Variants in B3GALNT2 observed in about 807,000 individuals in gnomAD.
The protein encoded by B3GALNT2 is UDP-GalNAc:beta-1,3-N-acetylgalactosaminyltransferase 2.
A neutral mutation model predicts 61.1 loss-of-function variants in B3GALNT2; 53 were observed. The observed-to-expected ratio is 0.87, with a 90% CI of 0.70 to 1.09. The LOEUF is 1.09. Among genes scored for constraint, B3GALNT2 ranks in the 50% least tolerant of loss-of-function variants. B3GALNT2 has a pLI of 0.00. For missense variants in B3GALNT2, 544 were observed against 623.0 expected, an observed-to-expected ratio of 0.87 and a Z score of 1.35; for synonymous variants, 223 against 237.4, an observed-to-expected ratio of 0.94 and a Z score of 0.56.
intron 5 of B3GALNT2, among the ~76,000 whole-genome samples, chr1:235,478,320 G>A (rs291380): frequency 0.45 from 68,268 of 151,960 alleles, 15,994 homozygotes; most frequent in Non-Finnish European, 0.5. Context: ...CAAAGTGCTG[G>A]GATTACAGGT....
chr1:235,455,429 A>G, intron 9 of B3GALNT2, 130 bp downstream of exon 9: 4 of 1,011,582 alleles, frequency 4.0e-6, no homozygotes, highest in Non-Finnish European at 5.7e-6. Context: ...TGAAATATAT[A>G]TAAACCCAGG....
intron 6 of B3GALNT2, among the ~76,000 whole-genome samples, chr1:235,466,512 C>T (rs1260833447): frequency 1.3e-5 from 2 of 152,012 alleles, no homozygotes; most frequent in African/African-American, 4.8e-5. Context: ...ACCACCATGC[C>T]CAGCTAATAT....
At position 235,474,966 on chromosome 1, in the gene B3GALNT2, TATATATATATATATATATATA is replaced by T. The variant is rs1684179199; in HGVS notation, c.652-4027_652-4007del. Among the ~76,000 whole-genome samples, 44 of 25,932 alleles carry T rather than the reference TATATATATATATATATATATA, an allele frequency of 1.7e-3. 1 individual carries two copies. Among genetic ancestry groups the T allele is most frequent in the Middle Eastern group, 0.01 (1 of 96 alleles). 17.0% of individuals were successfully genotyped at this position (25,932 alleles called of 152,430 possible). The stretch of plus-strand genomic sequence containing the variant: ...AATTAGAGACATATATATATATATA[TATATATATATATATATATATA>T]TTTTTTTTTTTTTTTTTTTTTTTGA... On this transcript the variant is annotated intron_variant, in intron 5 of 11. Transcript: ENST00000366600.
In B3GALNT2 at chr1:235,450,297, A is replaced by G. The variant is rs772602524; in HGVS notation, c.1412T>C (p.Leu471Pro). The G allele has an allele frequency of 2.5e-6, 4 of 1,614,044 alleles. No individual in the cohort carries two copies. Among genetic ancestry groups the G allele is most frequent in the African/African-American group, 2.7e-5 (2 of 75,068 alleles). ...CCACGGAGAATACTGAGGAGAAGAC[A>G]GCATTCCTGTCTCACAGGTCTTCTC... is the stretch of plus-strand genomic sequence containing the variant. ...LCEKTCETGM[L>P]SSPQYSPWEL... The change falls in exon 12 of 12, where the codon CTG becomes CCG. Residue 471 changes from leucine to proline, a missense_variant. By Grantham distance (98) the Leu-to-Pro change is moderately conservative. Coordinates refer to ENST00000366600, the MANE Select transcript of B3GALNT2 (RefSeq NM_152490.5).
chr1:235,445,669 C>A (rs1371696426), downstream of B3GALNT2, among the ~76,000 whole-genome samples: 3 of 151,314 alleles, frequency 2.0e-5, no homozygotes, highest in Admixed American at 2.0e-4. Context: ...ACTGCAATAT[C>A]TTTTTTTTTA....
chr1:235,483,588 A>G (rs534444887), intron 4 of B3GALNT2, among the ~76,000 whole-genome samples: 55 of 152,288 alleles, frequency 3.6e-4, no homozygotes, highest in Admixed American at 3.1e-3. Context: ...CCTAGCCCAC[A>G]TGGCAAAATC....
chr1:235,470,235 T>G (rs963418619), intron 6 of B3GALNT2, among the ~76,000 whole-genome samples: 9 of 152,118 alleles, frequency 5.9e-5, no homozygotes, highest in African/African-American at 4.8e-5. Flanking sequence ...ATTTTCAAGG[T>G]GAGATAGTAA....
At chr1:235,482,114 G>C (rs1223897791) in intron 4 of B3GALNT2, among the ~76,000 whole-genome samples, 1 of 152,124 alleles carries the variant, frequency 6.6e-6, no homozygotes, top group Non-Finnish European at 1.5e-5. Context: ...TTCTCCTATA[G>C]ATAGTAACTA....
chr1:235,478,644 A>G (rs1021593970), intron 5 of B3GALNT2, among the ~76,000 whole-genome samples: 1 of 152,230 alleles, frequency 6.6e-6, no homozygotes, highest in Non-Finnish European at 1.5e-5. Flanking sequence ...TAACACCGAA[A>G]AATTGAAACT....
chr1:235,484,620 G>A, intron 3 of B3GALNT2, 105 bp from the exon 4 acceptor site: 1 of 1,399,414 alleles, frequency 7.1e-7, no homozygotes, highest in Non-Finnish European at 9.3e-7. Context: ...GTAATCATTT[G>A]CTATATAATT....
intron 10 of B3GALNT2, 87 bp from the exon 11 acceptor site, chr1:235,453,233 C>T (rs1261876962): frequency 7.6e-7 from 1 of 1,310,414 alleles, no homozygotes; most frequent in Non-Finnish European, 1.1e-6. Flanking sequence ...CCATCATAAA[C>T]CACCTTTCTA....
chr1:235,443,398 C>T (rs12239619), downstream of B3GALNT2, among the ~76,000 whole-genome samples: 1,249 of 152,190 alleles, frequency 8.2e-3, 14 homozygotes, highest in African/African-American at 0.029. Flanking sequence ...GATGGGTTTT[C>T]GCCATGTTGC....
rs2102863411 is a variant in B3GALNT2, at chr1:235,494,847, C to T, written c.113-19G>A. The T allele has an allele frequency of 6.3e-7, 1 of 1,577,320 alleles. No individual in the cohort carries two copies. Among genetic ancestry groups the T allele is most frequent in the Non-Finnish European group, 8.7e-7 (1 of 1,150,718 alleles). ...AACTGATCTAGAAATAAGAACAATACATGAGAAATAAGTCATGTATCAATT... is the reference window on the plus strand; with the variant it reads ...AACTGATCTAGAAATAAGAACAATATATGAGAAATAAGTCATGTATCAATT... On this transcript the variant is annotated intron_variant, in intron 1 of 11. Transcript: ENST00000366600.
chr1:235,460,454 TA>T (rs35687101), intron 7 of B3GALNT2, among the ~76,000 whole-genome samples: 42,426 of 136,460 alleles, frequency 0.31, 6,443 homozygotes, highest in South Asian at 0.41. Context: ...ATGTTTTATT[TA>T]AAAAAAAAAA....
At chr1:235,474,968 TATATATATATATA>T (rs1558425204) in intron 5 of B3GALNT2, among the ~76,000 whole-genome samples, 17 of 28,846 alleles carry the variant, frequency 5.9e-4, no homozygotes, top group African/African-American at 2.3e-3. Flanking sequence ...TATATATATA[TATATATATATATA>T]TATATATTTT....
intron 6 of B3GALNT2, among the ~76,000 whole-genome samples, chr1:235,466,608 G>A (rs1337815117): frequency 6.6e-6 from 1 of 152,160 alleles, no homozygotes; most frequent in Non-Finnish European, 1.5e-5. Context: ...TCCCGCCTCG[G>A]TCTCCCAAAG....
chr1:235,470,983 G>C (rs756811169), intron 5 of B3GALNT2, 23 bp from the exon 6 acceptor site: 1 of 1,610,764 alleles, frequency 6.2e-7, no homozygotes, highest in African/African-American at 1.3e-5. Flanking sequence ...GATGAATAGT[G>C]AGTCAATTTC....
intron 4 of B3GALNT2, among the ~76,000 whole-genome samples, chr1:235,483,061 C>T (rs1684631490): frequency 6.6e-6 from 1 of 151,764 alleles, no homozygotes; most frequent in Non-Finnish European, 1.5e-5. Flanking sequence ...GAAATAGAAA[C>T]AGTAAAAAAG....
At chr1:235,458,823 G>C in intron 7 of B3GALNT2, 37 bp from the exon 8 acceptor site, 1 of 1,516,268 alleles carries the variant, frequency 6.6e-7, no homozygotes. Context: ...GAAAAATGCT[G>C]TTGTAAAGTT....
Sources: allele counts gnomAD v4.1 joint callset (sites outside exome capture counted in the v4.1 genomes callset), GRCh38; gene constraint gnomAD v4.1.1; transcripts MANE v1.5; gene names NCBI Gene and HGNC (gene_info 2026-07-23, HGNC 2026-07-21).